Variants in PDE3A observed in about 807,000 individuals in gnomAD.
The protein encoded by PDE3A is cGMP-inhibited 3',5'-cyclic phosphodiesterase 3A.
A neutral mutation model predicts 98.3 loss-of-function variants in PDE3A; 43 were observed. That is an observed-to-expected ratio of 0.44 (90% confidence interval 0.34 to 0.56). PDE3A has a LOEUF of 0.56. Ranked by LOEUF, PDE3A falls within the 20% of genes least tolerant of loss-of-function variation. The probability of loss-of-function intolerance (pLI) is 0.01; values close to 1 mark genes in which losing one functional copy is unlikely to be tolerated. For missense variants in PDE3A, 1,427 were observed against 1,440.7 expected (o/e 0.99, Z 0.15); for synonymous variants, 663 against 567.9 (o/e 1.17, Z -2.38).
rs537031384 is a variant in PDE3A at position 20,491,445 on chromosome 12, A to C, written c.961-65215A>C. ...AATGGGTTGTTGTCATGGTGATTGTAAACTGTCATGGTGCTGTGAGGTGTA... is the reference window on the plus strand; with the variant it reads ...AATGGGTTGTTGTCATGGTGATTGTCAACTGTCATGGTGCTGTGAGGTGTA... On this transcript the variant is annotated intron_variant, in intron 1 of 15. Transcript: ENST00000359062. Among the ~76,000 whole-genome samples, 3 of 152,290 alleles carry C rather than the reference A, an allele frequency of 2.0e-5. No homozygotes were observed. The East Asian group carries it at 5.8e-4, about 29-fold the overall frequency.
At chr12:20,534,368 C>G (rs768582658) in intron 1 of PDE3A, among the ~76,000 whole-genome samples, 2 of 152,182 alleles carry the variant, frequency 1.3e-5, no homozygotes, top group Non-Finnish European at 2.9e-5. Flanking sequence ...GTCCTTCAAC[C>G]TTTGCTTGTG....
intron 15 of PDE3A, among the ~76,000 whole-genome samples, chr12:20,668,306 A>G (rs1341650798): frequency 1.3e-5 from 2 of 152,224 alleles, no homozygotes; most frequent in Non-Finnish European, 2.9e-5. Context: ...TTGATTAGGT[A>G]AACAAAGCAG....
chr12:20,492,230 C>T (rs1945839597), intron 1 of PDE3A, among the ~76,000 whole-genome samples: 1 of 152,124 alleles, frequency 6.6e-6, no homozygotes, highest in Non-Finnish European at 1.5e-5. Flanking sequence ...ATCCTCCTCC[C>T]ACCTCGCCCT....
chr12:20,633,356 T>C (rs1944425317), intron 6 of PDE3A, among the ~76,000 whole-genome samples: 1 of 152,172 alleles, frequency 6.6e-6, no homozygotes, highest in South Asian at 2.1e-4. Flanking sequence ...ATGGCTACTA[T>C]AAGTAGGTAG....
At chr12:20,531,744 A>G (rs888504517) in intron 1 of PDE3A, among the ~76,000 whole-genome samples, 2 of 152,184 alleles carry the variant, frequency 1.3e-5, no homozygotes, top group African/African-American at 4.8e-5. Flanking sequence ...TACAGTGTCA[A>G]GACATTGCGC....
intron 1 of PDE3A, among the ~76,000 whole-genome samples, chr12:20,489,687 C>T (rs1228614365): frequency 3.3e-5 from 5 of 151,760 alleles, no homozygotes; most frequent in Non-Finnish European, 7.4e-5. Context: ...TTTTGCCTCA[C>T]CTACAGACAA....
At chr12:20,388,431 A>G (rs1016634767) in intron 1 of PDE3A, among the ~76,000 whole-genome samples, 1 of 152,012 alleles carries the variant, frequency 6.6e-6, no homozygotes, top group African/African-American at 2.4e-5. Flanking sequence ...ATACCGAAAC[A>G]TGTTTCAGTT....
At chr12:20,486,708 A>ACTGCAAC (rs1945733222) in intron 1 of PDE3A, among the ~76,000 whole-genome samples, 2 of 152,166 alleles carry the variant, frequency 1.3e-5, no homozygotes, top group Admixed American at 6.5e-5. Context: ...ATCTCAATCC[A>ACTGCAAC]CTGCAACCCC....
intron 1 of PDE3A, among the ~76,000 whole-genome samples, chr12:20,446,757 G>T (rs1330615758): frequency 6.6e-6 from 1 of 152,150 alleles, no homozygotes; most frequent in Non-Finnish European, 1.5e-5. Context: ...AAAGCAGACC[G>T]AGTGTTATCT....
rs572338195 is a variant in PDE3A at position 20,430,916 on chromosome 12, A to T, written c.960+60672A>T. 3.9e-5 allele frequency among the ~76,000 whole-genome samples: 6 copies of T among 152,278 alleles called. 1 individual carries two copies. Among genetic ancestry groups the T allele is most frequent in the African/African-American group, 1.4e-4 (6 of 41,562 alleles). On this transcript the variant is annotated intron_variant, in intron 1 of 15. Coordinates refer to ENST00000359062, the MANE Select transcript of PDE3A (RefSeq NM_000921.5). ...AAAGCTTCTTTAAATCCATGTTCTT[A>T]TACAGGGCTATAGATATCTTACCCG...
intron 5 of PDE3A, among the ~76,000 whole-genome samples, chr12:20,622,722 C>G (rs1433214008): frequency 6.6e-6 from 1 of 152,012 alleles, no homozygotes; most frequent in African/African-American, 2.4e-5. Context: ...AGAGAAACTG[C>G]ATTTGAGAAT....
intron 1 of PDE3A, among the ~76,000 whole-genome samples, chr12:20,436,166 T>C (rs769541902): frequency 5.3e-5 from 8 of 152,084 alleles, no homozygotes; most frequent in Admixed American, 4.6e-4. Flanking sequence ...CCACGTTTAT[T>C]GTATGCAAAT....
In PDE3A at chr12:20,368,744, A is replaced by C; in HGVS notation, c.-541A>C. The stretch of plus-strand genomic sequence containing the variant: ...CCGAGGAGAAAGAAAGAGTGATAGA[A>C]AAAGAGCTGCAGGAAGGAGGAGAAG... On this transcript the variant is annotated 5_prime_UTR_variant, in exon 1 of 16. Transcript: ENST00000359062. Among the ~76,000 whole-genome samples the C allele has an allele frequency of 6.6e-6, 1 of 151,918 alleles. No homozygotes were observed. Among genetic ancestry groups the C allele is most frequent in the Non-Finnish European group, 1.5e-5 (1 of 67,962 alleles).
chr12:20,450,996 AG>A (rs1945054472), intron 1 of PDE3A, among the ~76,000 whole-genome samples: 1 of 152,356 alleles, frequency 6.6e-6, no homozygotes, highest in East Asian at 1.9e-4. Context: ...CAAGTAAAAA[AG>A]CTCAGTTACC....
intron 14 of PDE3A, among the ~76,000 whole-genome samples, chr12:20,652,454 T>A (rs10770685): frequency 6.6e-6 from 1 of 151,852 alleles, no homozygotes; most frequent in Non-Finnish European, 1.5e-5. Flanking sequence ...TTTTAATGAT[T>A]GCCATTCTAA....
At chr12:20,656,888 G>A (rs946798025) in intron 15 of PDE3A, among the ~76,000 whole-genome samples, 1 of 152,170 alleles carries the variant, frequency 6.6e-6, no homozygotes, top group Non-Finnish European at 1.5e-5. Flanking sequence ...CTAGCCTTTA[G>A]CAGCAAATGC....
At chr12:20,601,410 T>TAAAC (rs1943588503) in intron 2 of PDE3A, among the ~76,000 whole-genome samples, 1 of 152,100 alleles carries the variant, frequency 6.6e-6, no homozygotes, top group South Asian at 2.1e-4. Context: ...GTAGCCTAGA[T>TAAAC]AAACACCCAT....
intron 15 of PDE3A, among the ~76,000 whole-genome samples, chr12:20,669,471 G>A (rs1225468425): frequency 6.6e-6 from 1 of 151,656 alleles, no homozygotes; most frequent in Non-Finnish European, 1.5e-5. Flanking sequence ...TACCCTCAAA[G>A]GGAAGCCCAT....
chr12:20,644,705 T>G (rs888690036), intron 10 of PDE3A, among the ~76,000 whole-genome samples: 1 of 152,156 alleles, frequency 6.6e-6, no homozygotes, highest in Non-Finnish European at 1.5e-5. Context: ...GATGTCAATC[T>G]TAATGAAATT....
Sources: gnomAD v4.1 joint callset for allele counts (sites outside exome capture counted in the v4.1 genomes callset) on GRCh38, gnomAD v4.1.1 for gene constraint, MANE v1.5 for transcripts, NCBI Gene and HGNC (gene_info 2026-07-23, HGNC 2026-07-21) for gene names.